Variants in ITGAL observed in about 807,000 individuals in gnomAD.
The protein encoded by ITGAL is integrin subunit alpha L.
In ITGAL, 68 loss-of-function variants were observed where a neutral mutation model predicts 138.4. The observed-to-expected ratio is 0.49, with a 90% CI of 0.40 to 0.60. The LOEUF (loss-of-function observed/expected upper bound fraction) is 0.60. ITGAL is among the 20% of genes least tolerant of loss of function. ITGAL has a pLI of 0.00. For synonymous variants in ITGAL, 561 were observed against 584.3 expected, an observed-to-expected ratio of 0.96 and a Z score of 0.57; for missense variants, 1,256 against 1,478.6, an observed-to-expected ratio of 0.85 and a Z score of 2.47.
At position 30,517,067 on chromosome 16, in the gene ITGAL, A is replaced by G. The variant is rs750052844; in HGVS notation, c.2957A>G (p.His986Arg). The G allele has an allele frequency of 6.2e-7, 1 of 1,609,528 alleles. No individual in the cohort carries two copies. Among genetic ancestry groups the G allele is most frequent in the African/African-American group, 1.3e-5 (1 of 74,838 alleles). Reference sequence around the variant, plus strand: ...CCTCCCAGCGAGGGGCCCATCACACACCAGTGGAGCGTGCAGATGGTGAGT... The same window carrying G: ...CCTCCCAGCGAGGGGCCCATCACACGCCAGTGGAGCGTGCAGATGGTGAGT... Reference protein sequence around the residue: ...PQPPSEGPITHQWSVQMEPPV... With the variant: ...PQPPSEGPITRQWSVQMEPPV... The change falls in exon 26 of 31, where the codon CAC becomes CGC. Residue 986 changes from histidine (H) to arginine (R), a missense_variant. His to Arg is a conservative substitution (Grantham distance 29, BLOSUM62 0). Transcript: ENST00000356798.
chr16:30,504,272 G>A lies in ITGAL; in HGVS notation c.2235+8G>A. ...CCGAGGGACCAAAGGGCGGTAAGAA[G>A]AGATGGCTAGGGATGGTGGGGAGTT... On this transcript the variant is annotated splice_region_variant and intron_variant, in intron 18 of 30. Coordinates refer to ENST00000356798, the MANE Select transcript of ITGAL (RefSeq NM_002209.3). The A allele has an allele frequency of 6.3e-7, 1 of 1,599,450 alleles. No individual in the cohort carries two copies. The highest frequency in any genetic ancestry group is 8.6e-7 in the Non-Finnish European group (1 of 1,166,736).
At chr16:30,488,835 C>T (rs1433886140) in intron 9 of ITGAL, 13 of 493,334 alleles carry the variant, frequency 2.6e-5, no homozygotes, top group Admixed American at 6.4e-5. Context: ...TGTGATTGCG[C>T]CACTGCACTC....
chr16:30,502,629 TC>T (rs1567480818), intron 17 of ITGAL, among the ~76,000 whole-genome samples: 3 of 150,532 alleles, frequency 2.0e-5, no homozygotes, highest in Non-Finnish European at 2.9e-5. Context: ...GCGCCTGTAA[TC>T]CCAGCTACTC....
chr16:30,521,732 G>A lies in ITGAL; in HGVS notation c.*67G>A. On this transcript the variant is annotated 3_prime_UTR_variant, in exon 31 of 31. Transcript: ENST00000356798. ...GGATGCCCAGGGCCACTCTGCCTCT[G>A]CCTGCATTCTGCCGTGTGCCCTCGG... 6.6e-7 allele frequency: 1 copy of A among 1,508,400 alleles called. No individual in the cohort carries two copies. The highest frequency in any genetic ancestry group is 9.1e-7 in the Non-Finnish European group (1 of 1,103,456). 93.4% of individuals were successfully genotyped at this position (1,508,400 alleles called of 1,614,324 possible). A position where few individuals can be genotyped will look rare whatever the true frequency, so the allele number is the denominator to read the frequency against.
At chr16:30,476,545 T>C (rs1175680630) in intron 4 of ITGAL, among the ~76,000 whole-genome samples, 1 of 152,006 alleles carries the variant, frequency 6.6e-6, no homozygotes, top group Non-Finnish European at 1.5e-5. Flanking sequence ...AACAAAAATT[T>C]AAAGGAAAAT....
chr16:30,517,958 G>A (rs944185365), intron 28 of ITGAL, 63 bp downstream of exon 28: 1 of 1,350,896 alleles, frequency 7.4e-7, no homozygotes, highest in African/African-American at 1.4e-5. Flanking sequence ...GGGCCGTTGT[G>A]GGTGGGCTCC....
intron 25 of ITGAL, 101 bp downstream of exon 25, chr16:30,513,947 C>G (rs1255599501): frequency 1.6e-5 from 14 of 861,042 alleles, no homozygotes; most frequent in Non-Finnish European, 2.5e-5. Context: ...CTCATCCTAG[C>G]CATCCAACTG....
intron 24 of ITGAL, 47 bp downstream of exon 24, chr16:30,511,183 C>A: frequency 1.4e-6 from 2 of 1,473,016 alleles, no homozygotes; most frequent in Non-Finnish European, 1.9e-6. Context: ...CCACCGCAGC[C>A]TCCCAACCCA....
At chr16:30,517,113 C>G (rs1014748890) in intron 26 of ITGAL, 27 bp downstream of exon 26, 11 of 1,414,028 alleles carry the variant, frequency 7.8e-6, no homozygotes, top group Non-Finnish European at 1.1e-5. Flanking sequence ...GAGGGAGGGT[C>G]TACCCTCCTC....
chr16:30,517,141 G>A, intron 26 of ITGAL, 55 bp downstream of exon 26: 1 of 1,186,868 alleles, frequency 8.4e-7, no homozygotes, highest in Non-Finnish European at 1.2e-6. Flanking sequence ...GGGGGTGAGT[G>A]CATTTGAGGG....
At chr16:30,484,079 G>T (rs754447290) in intron 8 of ITGAL, 34 bp from the exon 9 acceptor site, 2 of 1,604,586 alleles carry the variant, frequency 1.2e-6, no homozygotes, top group African/African-American at 1.3e-5. Context: ...GAGGTTTGGG[G>T]GATTTCAGCT....
intron 15 of ITGAL, 37 bp from the exon 16 acceptor site, chr16:30,499,037 G>T: frequency 6.2e-7 from 1 of 1,601,500 alleles, no homozygotes; most frequent in South Asian, 1.1e-5. Flanking sequence ...GTGCAGTTGG[G>T]TTGGAGGGAG....
chr16:30,484,361 C>A (rs2050608201), intron 9 of ITGAL, 98 bp downstream of exon 9: 4 of 1,225,436 alleles, frequency 3.3e-6, no homozygotes, highest in Non-Finnish European at 4.5e-6. Context: ...GTAATCCCAG[C>A]ACTTTGGGAG....
chr16:30,496,347 C>G (rs2050800229), intron 14 of ITGAL, 53 bp downstream of exon 14: 1 of 1,606,818 alleles, frequency 6.2e-7, no homozygotes, highest in Admixed American at 1.7e-5. Flanking sequence ...CCTAAGCCCC[C>G]AAGCCCAGAC....
At chr16:30,509,008 C>T (rs1392787371) in intron 21 of ITGAL, among the ~76,000 whole-genome samples, 2 of 151,936 alleles carry the variant, frequency 1.3e-5, no homozygotes, top group Non-Finnish European at 2.9e-5. Flanking sequence ...GAAACCCCAT[C>T]TCTACTAAAA....
At chr16:30,493,779 CTATTTGGGAGGTTGAGGCAGGAGAATT>C (rs2050760018) in intron 11 of ITGAL, among the ~76,000 whole-genome samples, 1 of 152,036 alleles carries the variant, frequency 6.6e-6, no homozygotes, top group South Asian at 2.1e-4. Flanking sequence ...GTAATCCCAG[CTATTTGGGAGGTTGAGGCAGGAGAATT>C]GCTTGAACCC....
chr16:30,505,853 A>G (rs1428576364), intron 20 of ITGAL, among the ~76,000 whole-genome samples: 1 of 152,236 alleles, frequency 6.6e-6, no homozygotes, highest in African/African-American at 2.4e-5. Flanking sequence ...AGCCTGGGTG[A>G]CAGAGCAAGA....
intron 17 of ITGAL, among the ~76,000 whole-genome samples, chr16:30,500,560 T>G (rs990288559): frequency 9.9e-5 from 15 of 151,794 alleles, no homozygotes; most frequent in African/African-American, 3.4e-4. Context: ...ATTAAAAAAA[T>G]TTTTTTAGAG....
intron 15 of ITGAL, among the ~76,000 whole-genome samples, chr16:30,497,119 C>T (rs1171218861): frequency 1.3e-5 from 2 of 151,936 alleles, no homozygotes; most frequent in African/African-American, 2.4e-5. Flanking sequence ...CCGAGGCGGG[C>T]GGATCACGAG....
Sources: gnomAD v4.1 joint callset for allele counts (sites outside exome capture counted in the v4.1 genomes callset) on GRCh38, gnomAD v4.1.1 for gene constraint, MANE v1.5 for transcripts, NCBI Gene and HGNC (gene_info 2026-07-23, HGNC 2026-07-21) for gene names.